Variants in DTNA observed in about 807,000 individuals in gnomAD.
DTNA encodes dystrobrevin alpha.
Under a neutral mutation model 100.7 loss-of-function variants are expected in DTNA, and 43 were observed. The ratio of observed to expected loss-of-function variants is 0.43; its 90% confidence interval spans 0.33 to 0.55. The LOEUF is 0.55. DTNA is among the 20% of genes least tolerant of loss of function. DTNA has a pLI of 0.04. For missense variants in DTNA, 798 were observed against 953.9 expected (o/e 0.84, Z 2.15); for synonymous variants, 349 against 347.9 (o/e 1.00, Z -0.04).
chr18:34,881,165 C>T lies in DTNA; in HGVS notation c.2163-904C>T, dbSNP rs548793360. ...AACATGTTGTACAGCTATAAATAAA[C>T]GCAAACAACGACATTTAAGTTCCAA... On this transcript the variant is annotated intron_variant, in intron 20 of 22. Coordinates refer to ENST00000444659, the MANE Select transcript of DTNA (RefSeq NM_001386795.1). Among the ~76,000 whole-genome samples the T allele has an allele frequency of 2.3e-4, 35 of 152,292 alleles. No homozygotes were observed. In the Middle Eastern group the frequency reaches 0.01, roughly 44 times the overall value.
At chr18:34,885,870 T>G (rs1031497436) in intron 22 of DTNA, among the ~76,000 whole-genome samples, 2 of 152,224 alleles carry the variant, frequency 1.3e-5, no homozygotes, top group African/African-American at 4.8e-5. Context: ...CTCTTCTACT[T>G]TTATAAACAA....
chr18:34,631,952 A>T (rs1186512133), intron 1 of DTNA, among the ~76,000 whole-genome samples: 1 of 152,214 alleles, frequency 6.6e-6, no homozygotes, highest in Non-Finnish European at 1.5e-5. Flanking sequence ...CATTTGGCAG[A>T]TAAGTTTTTT....
At chr18:34,827,489 G>A in intron 9 of DTNA, 104 bp from the exon 10 acceptor site, 4 of 1,025,938 alleles carry the variant, frequency 3.9e-6, no homozygotes, top group African/African-American at 1.6e-5. Flanking sequence ...GGGAAAGGTA[G>A]AACCCAGATC....
At chr18:34,632,997 A>G (rs1469472736) in intron 1 of DTNA, among the ~76,000 whole-genome samples, 2 of 152,202 alleles carry the variant, frequency 1.3e-5, no homozygotes, top group Admixed American at 6.5e-5. Context: ...GATTAAAAAA[A>G]TTCTGAAAGT....
At chr18:34,741,061 C>G (rs2147740448) in intron 1 of DTNA, among the ~76,000 whole-genome samples, 1 of 152,284 alleles carries the variant, frequency 6.6e-6, no homozygotes. Context: ...TGTTCTCGTT[C>G]TCTGCGCAGG....
At position 34,823,599 on chromosome 18, in the gene DTNA, C is replaced by G. The variant is rs115035244; in HGVS notation, c.1001+2684C>G. On this transcript the variant is annotated intron_variant, in intron 9 of 22. Transcript: ENST00000444659. ...TTATCATTGAGTCTCTAGCAAAAAT[C>G]ATCCTAAAAGTATGTTCCTTAGAAC... 8.3e-3 allele frequency among the ~76,000 whole-genome samples: 1,269 copies of G among 152,324 alleles called. 18 individuals carry two copies. The highest frequency in any genetic ancestry group is 0.028 in the African/African-American group (1,144 of 41,574).
chr18:34,666,672 A>T (rs2075975554), intron 1 of DTNA, among the ~76,000 whole-genome samples: 1 of 152,206 alleles, frequency 6.6e-6, no homozygotes. Flanking sequence ...CATTTGTTAA[A>T]TAGGGAATCC....
At chr18:34,622,700 G>A (rs1485540827) in intron 1 of DTNA, among the ~76,000 whole-genome samples, 2 of 152,136 alleles carry the variant, frequency 1.3e-5, no homozygotes, top group Admixed American at 1.3e-4. Flanking sequence ...CCTGTCCTTG[G>A]ACAACAACTC....
At chr18:34,880,574 T>C (rs1005627845) in intron 20 of DTNA, among the ~76,000 whole-genome samples, 1 of 152,192 alleles carries the variant, frequency 6.6e-6, no homozygotes, top group Non-Finnish European at 1.5e-5. Flanking sequence ...TGTTGCTTAA[T>C]ATGAAAAGTA....
intron 17 of DTNA, among the ~76,000 whole-genome samples, chr18:34,870,926 A>C (rs530748879): frequency 6.6e-6 from 1 of 152,194 alleles, no homozygotes; most frequent in African/African-American, 2.4e-5. Context: ...ACAACACTCT[A>C]TACACAATGA....
At chr18:34,781,268 G>A (rs1451020412) in intron 3 of DTNA, among the ~76,000 whole-genome samples, 1 of 152,140 alleles carries the variant, frequency 6.6e-6, no homozygotes, top group Non-Finnish European at 1.5e-5. Flanking sequence ...AATTGAAAAA[G>A]AGTAGTATAC....
intron 22 of DTNA, 114 bp downstream of exon 22, chr18:34,884,890 A>C (rs1603359634): frequency 8.3e-7 from 1 of 1,210,404 alleles, no homozygotes; most frequent in East Asian, 2.4e-5. Flanking sequence ...GTGATAAAAT[A>C]CCCTCCTTAA....
intron 17 of DTNA, chr18:34,866,992 CAAATT>C (rs1568846630): frequency 1.7e-5 from 19 of 1,148,480 alleles, no homozygotes; most frequent in Non-Finnish European, 1.9e-5. Context: ...AAAAAAAAAA[CAAATT>C]AAATTAAATT....
At chr18:34,587,845 G>C (rs955946191) in intron 1 of DTNA, among the ~76,000 whole-genome samples, 12 of 152,196 alleles carry the variant, frequency 7.9e-5, no homozygotes, top group African/African-American at 2.4e-4. Flanking sequence ...ACTCTGGTTT[G>C]TCTGAGACTT....
At chr18:34,733,364 A>G (rs539642487) in intron 1 of DTNA, among the ~76,000 whole-genome samples, 13 of 152,340 alleles carry the variant, frequency 8.5e-5, no homozygotes, top group Non-Finnish European at 1.6e-4. Context: ...GTAGGAATGC[A>G]GTAGGCTTCC....
intron 1 of DTNA, among the ~76,000 whole-genome samples, chr18:34,656,405 G>A (rs954546016): frequency 2.0e-5 from 3 of 152,128 alleles, no homozygotes; most frequent in African/African-American, 7.2e-5. Flanking sequence ...TTCTTCTTAC[G>A]GTAAATGTCT....
At chr18:34,654,736 T>C (rs1401499818) in intron 1 of DTNA, among the ~76,000 whole-genome samples, 1 of 152,132 alleles carries the variant, frequency 6.6e-6, no homozygotes, top group African/African-American at 2.4e-5. Flanking sequence ...GTAAATAATT[T>C]TTTTTTTTTG....
At chr18:34,800,830 A>T (rs113673703) in intron 4 of DTNA, among the ~76,000 whole-genome samples, 1 of 152,120 alleles carries the variant, frequency 6.6e-6, no homozygotes, top group African/African-American at 2.4e-5. Flanking sequence ...ATCCAGCCCT[A>T]CCGATCAATA....
At chr18:34,838,501 T>A (rs1255009081) in intron 12 of DTNA, among the ~76,000 whole-genome samples, 1 of 152,206 alleles carries the variant, frequency 6.6e-6, no homozygotes, top group Non-Finnish European at 1.5e-5. Flanking sequence ...AAAATGTAAA[T>A]CTGTTTTCTA....
Sources: gnomAD v4.1 joint callset for allele counts (sites outside exome capture counted in the v4.1 genomes callset) on GRCh38, gnomAD v4.1.1 for gene constraint, MANE v1.5 for transcripts, NCBI Gene and HGNC (gene_info 2026-07-23, HGNC 2026-07-21) for gene names.